The following AP5Z1 variants were observed in gnomAD, a reference collection of about 807,000 sequenced individuals.
AP5Z1 encodes AP-5 complex subunit zeta-1.
AP5Z1 carries 106 observed loss-of-function variants against 83.0 expected under a neutral mutation model. The observed-to-expected ratio is 1.28, with a 90% CI of 1.09 to 1.50. The LOEUF is 1.50. AP5Z1 is among the 40% of genes most tolerant of loss of function. AP5Z1 has a pLI of 0.00. For missense variants in AP5Z1, 1,565 were observed against 1,094.2 expected, an observed-to-expected ratio of 1.43 and a Z score of -6.07; for synonymous variants, 751 against 514.1, an observed-to-expected ratio of 1.46 and a Z score of -6.23.
At chr7:4,777,031 C>G (rs1781247633) in intron 1 of AP5Z1, among the ~76,000 whole-genome samples, 1 of 152,124 alleles carries the variant, frequency 6.6e-6, no homozygotes, top group Non-Finnish European at 1.5e-5. Flanking sequence ...AGGTTAAGTT[C>G]TAAAGCCCGA....
intron 16 of AP5Z1, 38 bp downstream of exon 16, chr7:4,790,925 T>A: frequency 1.3e-6 from 2 of 1,543,626 alleles, no homozygotes; most frequent in Non-Finnish European, 1.7e-6. Flanking sequence ...TTCTGGCTCC[T>A]GGGGAAGAGA....
rs767581822 is a variant in AP5Z1 at position 4,784,390 on chromosome 7, T to C, written c.790+19T>C. Reference sequence around the variant, plus strand: ...GACACAGGTGTGCGGGGTGGGGGGATGACGTCAGACAGGGGTGGGAGGTGG... The same window carrying C: ...GACACAGGTGTGCGGGGTGGGGGGACGACGTCAGACAGGGGTGGGAGGTGG... On this transcript the variant is annotated intron_variant, in intron 6 of 16. Transcript: ENST00000649063. The C allele has an allele frequency of 6.6e-7, 1 of 1,522,676 alleles. No homozygotes were observed. Among genetic ancestry groups the C allele is most frequent in the African/African-American group, 1.4e-5 (1 of 70,636 alleles). 94.3% of individuals were successfully genotyped at this position (1,522,676 alleles called of 1,614,324 possible).
chr7:4,778,855 T>A (rs982555856), intron 1 of AP5Z1, among the ~76,000 whole-genome samples: 7 of 145,202 alleles, frequency 4.8e-5, no homozygotes, highest in African/African-American at 1.7e-4. Flanking sequence ...TATAATGATA[T>A]ATAATATTTT....
chr7:4,786,885 G>T lies in AP5Z1; in HGVS notation c.1311+457G>T, dbSNP rs572953553. On this transcript the variant is annotated intron_variant, in intron 10 of 16. Transcript: ENST00000649063. ...TCCTGGGTTCAAGCGATTCTCCTGC[G>T]TCAGCCACCTGAGTAGTTGAGATTA... 1.4e-4 allele frequency among the ~76,000 whole-genome samples: 22 copies of T among 152,048 alleles called. 1 individual carries two copies. In the South Asian group the frequency reaches 2.7e-3, roughly 19 times the overall value.
rs1426434573 is a variant in AP5Z1 at position 4,792,433 on chromosome 7, C to A, written c.*1048C>A. 6.7e-6 allele frequency: 1 copy of A among 149,680 alleles called. No homozygotes were observed. The highest frequency in any genetic ancestry group is 2.5e-5 in the African/African-American group (1 of 40,572). 9.3% of individuals were successfully genotyped at this position (149,680 alleles called of 1,614,324 possible). A position where few individuals can be genotyped will look rare whatever the true frequency, so the allele number is the denominator to read the frequency against. ...CGACTAAGAAACCACAGGCTGAAGG[C>A]GACTGCAGGGTCCTGCCCCTTGCCC... On this transcript the variant is annotated 3_prime_UTR_variant, in exon 17 of 17. Coordinates refer to ENST00000649063, the MANE Select transcript of AP5Z1 (RefSeq NM_014855.3).
intron 1 of AP5Z1, among the ~76,000 whole-genome samples, chr7:4,777,760 G>A (rs1266090932): frequency 6.6e-6 from 1 of 152,146 alleles, no homozygotes; most frequent in Non-Finnish European, 1.5e-5. Context: ...TGAGGATAGA[G>A]TGTGGTTGAA....
intron 7 of AP5Z1, 42 bp downstream of exon 7, chr7:4,785,090 C>G (rs1781498823): frequency 6.4e-7 from 1 of 1,550,822 alleles, no homozygotes; most frequent in Non-Finnish European, 8.7e-7. Context: ...CAGGGCTCGA[C>G]GCACCTGCTC....
chr7:4,782,435 TG>T (rs1469112392), intron 3 of AP5Z1, among the ~76,000 whole-genome samples: 4 of 152,196 alleles, frequency 2.6e-5, no homozygotes, highest in African/African-American at 4.8e-5. Flanking sequence ...TCTCTGCTCA[TG>T]GGTTGCCCAG....
intron 3 of AP5Z1, among the ~76,000 whole-genome samples, chr7:4,782,138 G>T (rs567595852): frequency 6.6e-6 from 1 of 152,064 alleles, no homozygotes; most frequent in Non-Finnish European, 1.5e-5. Flanking sequence ...CTGCAGCCTC[G>T]ACCTCCCTGG....
rs144179288 is a variant in AP5Z1 at position 4,790,987 on chromosome 7, G to A, written c.2153+100G>A. On this transcript the variant is annotated intron_variant, in intron 16 of 16. Coordinates refer to ENST00000649063, the MANE Select transcript of AP5Z1 (RefSeq NM_014855.3). Reference sequence around the variant, plus strand: ...GGTGTTGTGAAATGGTCGCAGCAGCGCAGGTCCTGGGTGGGCCCTGCTGAG... The same window carrying A: ...GGTGTTGTGAAATGGTCGCAGCAGCACAGGTCCTGGGTGGGCCCTGCTGAG... 1.5e-4 allele frequency: 219 copies of A among 1,473,552 alleles called. 1 individual carries two copies. The African/African-American group carries it at 2.3e-3, about 16-fold the overall frequency. 91.3% of individuals were successfully genotyped at this position (1,473,552 alleles called of 1,614,324 possible). A position where few individuals can be genotyped will look rare whatever the true frequency, so the allele number is the denominator to read the frequency against.
In AP5Z1 at chr7:4,790,744, C is replaced by A. The variant is rs750796286; in HGVS notation, c.2010C>A (p.Phe670Leu). The change falls in exon 16 of 17, where the codon TTC (phenylalanine) becomes TTA (leucine). Residue 670 changes from phenylalanine to leucine, a missense_variant. Coordinates refer to ENST00000649063, the MANE Select transcript of AP5Z1 (RefSeq NM_014855.3). ...RRCTVEQINK[F>L]FEALEALLFE... ...GCACCGTGGAGCAGATCAACAAGTT[C>A]TTCGAAGCCCTGGAGGCTCTGCTAT... The A allele has an allele frequency of 2.7e-5, 43 of 1,609,712 alleles. No individual in the cohort carries two copies. In the African/African-American group the frequency reaches 3.7e-4, roughly 14 times the overall value.
rs966111157 is a variant in AP5Z1 at position 4,776,396 on chromosome 7, C to T, written c.41+640C>T. ...ACAGACTCACGGTCCACCAAACAGG[C>T]AAAGACTTCATACTACATGTTTAAA... On this transcript the variant is annotated intron_variant, in intron 1 of 16. Coordinates refer to ENST00000649063, the MANE Select transcript of AP5Z1 (RefSeq NM_014855.3). Among the ~76,000 whole-genome samples the T allele has an allele frequency of 2.0e-5, 3 of 151,932 alleles. No individual in the cohort carries two copies. The East Asian group carries it at 5.8e-4, about 29-fold the overall frequency.
chr7:4,780,667 G>T (rs1220878706), intron 1 of AP5Z1, among the ~76,000 whole-genome samples: 1 of 152,190 alleles, frequency 6.6e-6, no homozygotes, highest in African/African-American at 2.4e-5. Context: ...TCGGAAGACT[G>T]AGGCAGGAGA....
chr7:4,775,877 C>G, intron 1 of AP5Z1, 121 bp downstream of exon 1: 3 of 1,397,282 alleles, frequency 2.1e-6, no homozygotes, highest in Non-Finnish European at 2.9e-6. Flanking sequence ...TGGACTCGCC[C>G]TCGAGACTTG....
In AP5Z1 at chr7:4,786,239, T is replaced by A. The variant is rs1781539476; in HGVS notation, c.1133-11T>A. The A allele has an allele frequency of 6.3e-7, 1 of 1,593,368 alleles. No homozygotes were observed. Among genetic ancestry groups the A allele is most frequent in the South Asian group, 1.1e-5 (1 of 88,152 alleles). On this transcript the variant is annotated splice_polypyrimidine_tract_variant and intron_variant, in intron 9 of 16. Transcript: ENST00000649063. The stretch of plus-strand genomic sequence containing the variant: ...TCAAGACGTGTGCCCTGGCGGGCCC[T>A]GGTCTTGCAGGGGAAGCGGCTGCAG...
chr7:4,779,232 TATAAC>T (rs1208586748), intron 1 of AP5Z1, among the ~76,000 whole-genome samples: 6 of 146,752 alleles, frequency 4.1e-5, no homozygotes, highest in African/African-American at 1.2e-4. Context: ...ATATATTAGA[TATAAC>T]ATATATAACA....
chr7:4,781,685 C>T lies in AP5Z1; in HGVS notation c.297C>T (p.Leu99=), dbSNP rs1781386722. 6.3e-7 allele frequency: 1 copy of T among 1,596,850 alleles called. No individual in the cohort carries two copies. Among genetic ancestry groups the T allele is most frequent in the Non-Finnish European group, 8.6e-7 (1 of 1,166,662 alleles). The change falls in exon 3 of 17, where the codon CTC becomes CTT. Residue 99 remains leucine (L), a synonymous_variant. Coordinates refer to ENST00000649063, the MANE Select transcript of AP5Z1 (RefSeq NM_014855.3). The part of the protein sequence containing the change: ...ILREMSPSDS[L]SLAWDHTQNS... The stretch of plus-strand genomic sequence containing the variant: ...GAGAGATGTCCCCCTCTGACAGCCT[C>T]AGCCTGGCCTGGGACCACACGCAGA...
intron 1 of AP5Z1, among the ~76,000 whole-genome samples, chr7:4,777,261 A>T (rs1190917048): frequency 6.6e-6 from 1 of 152,150 alleles, no homozygotes; most frequent in Non-Finnish European, 1.5e-5. Context: ...TTGCCAAGAG[A>T]CAAGGAAAAA....
chr7:4,783,828 G>A lies in AP5Z1; in HGVS notation c.621+30G>A, dbSNP rs1471423779. ...GGCTGGGACTGTTCTGGAACCATGG[G>A]GAACAGAGTCACAGACAACCCCTCC... On this transcript the variant is annotated intron_variant, in intron 5 of 16. Coordinates refer to ENST00000649063, the MANE Select transcript of AP5Z1 (RefSeq NM_014855.3). The A allele has an allele frequency of 5.9e-6, 9 of 1,535,750 alleles. No homozygotes were observed. In the South Asian group the frequency reaches 9.5e-5, roughly 16 times the overall value.
Sources: gnomAD v4.1 joint callset for allele counts (sites outside exome capture counted in the v4.1 genomes callset) on GRCh38, gnomAD v4.1.1 for gene constraint, MANE v1.5 for transcripts, NCBI Gene and HGNC (gene_info 2026-07-23, HGNC 2026-07-21) for gene names.